The following KCNIP4 variants were observed in gnomAD, a reference collection of about 807,000 sequenced individuals.
KCNIP4 encodes the protein potassium voltage-gated channel interacting protein 4, also known as Kv channel-interacting protein 4.
A neutral mutation model predicts 34.0 loss-of-function variants in KCNIP4; 12 were observed. The ratio of observed to expected loss-of-function variants is 0.35; its 90% CI spans 0.23 to 0.57. The LOEUF is 0.57. Among genes scored for constraint, KCNIP4 ranks in the 20% least tolerant of loss-of-function variants. KCNIP4 has a pLI of 0.83. For missense variants in KCNIP4, 238 were observed against 311.7 expected (o/e 0.76, Z 1.78); for synonymous variants, 124 against 102.2 (o/e 1.21, Z -1.29).
At chr4:21,266,080 TAA>T (rs763030618) in intron 1 of KCNIP4, among the ~76,000 whole-genome samples, 13 of 152,178 alleles carry the variant, frequency 8.5e-5, no homozygotes, top group Non-Finnish European at 1.6e-4. Context: ...AATGGGGGTT[TAA>T]AGAGATTTAG....
chr4:20,928,936 G>C (rs1730165335), intron 1 of KCNIP4, among the ~76,000 whole-genome samples: 1 of 151,878 alleles, frequency 6.6e-6, no homozygotes, highest in Non-Finnish European at 1.5e-5. Flanking sequence ...GGACGAGATG[G>C]CTTCATGAAT....
chr4:21,089,963 A>G (rs771354771), intron 1 of KCNIP4, among the ~76,000 whole-genome samples: 1 of 152,258 alleles, frequency 6.6e-6, no homozygotes, highest in Non-Finnish European at 1.5e-5. Flanking sequence ...AAAATATGCC[A>G]GCTTCTTTCC....
At chr4:21,254,565 T>A (rs2109086759) in intron 1 of KCNIP4, among the ~76,000 whole-genome samples, 1 of 152,332 alleles carries the variant, frequency 6.6e-6, no homozygotes. Context: ...CACTACATTT[T>A]AAAACTTGAA....
intron 1 of KCNIP4, among the ~76,000 whole-genome samples, chr4:21,936,355 A>G (rs896578813): frequency 5.9e-5 from 9 of 152,058 alleles, no homozygotes; most frequent in Admixed American, 2.0e-4. Flanking sequence ...GCTGCCATGT[A>G]AGATGTGGTT....
At chr4:21,399,117 C>G (rs1459791532) in intron 1 of KCNIP4, among the ~76,000 whole-genome samples, 1 of 152,200 alleles carries the variant, frequency 6.6e-6, no homozygotes, top group Non-Finnish European at 1.5e-5. Context: ...GCACCTCAAC[C>G]TAGATTGTAG....
At chr4:21,109,118 G>C (rs1332505579) in intron 1 of KCNIP4, among the ~76,000 whole-genome samples, 1 of 150,920 alleles carries the variant, frequency 6.6e-6, no homozygotes, top group African/African-American at 2.5e-5. Context: ...GAGAACCACT[G>C]CTCTCTTCAA....
intron 1 of KCNIP4, among the ~76,000 whole-genome samples, chr4:21,441,137 CTTTT>C (rs758901417): frequency 7.3e-6 from 1 of 136,972 alleles, no homozygotes; most frequent in Non-Finnish European, 1.6e-5. Flanking sequence ...TGACACCTTT[CTTTT>C]TTTTTTTTTT....
chr4:21,553,301 C>T (rs771720102), intron 1 of KCNIP4, among the ~76,000 whole-genome samples: 4 of 151,956 alleles, frequency 2.6e-5, no homozygotes, highest in South Asian at 2.1e-4. Context: ...ATCTCCGTTC[C>T]GTAAATTGAA....
chr4:20,897,286 C>A (rs943701361), intron 1 of KCNIP4, among the ~76,000 whole-genome samples: 1 of 150,358 alleles, frequency 6.7e-6, no homozygotes, highest in Non-Finnish European at 1.5e-5. Context: ...CCTCTAATTT[C>A]TTTCCTTGCC....
intron 1 of KCNIP4, among the ~76,000 whole-genome samples, chr4:21,796,913 T>C (rs553936213): frequency 1.3e-5 from 2 of 152,350 alleles, no homozygotes; most frequent in South Asian, 4.1e-4. Context: ...TTATCAATAG[T>C]TGATGCCTAG....
chr4:21,731,092 C>A (rs1173071417), intron 1 of KCNIP4, among the ~76,000 whole-genome samples: 1 of 138,864 alleles, frequency 7.2e-6, no homozygotes, highest in Non-Finnish European at 1.5e-5. Context: ...CCAGCCTGGG[C>A]AACTGAAGTA....
intron 1 of KCNIP4, among the ~76,000 whole-genome samples, chr4:21,459,799 G>C (rs111781327): frequency 6.6e-6 from 1 of 151,890 alleles, no homozygotes. Flanking sequence ...AGCCAGTTCT[G>C]TCAGGACTAC....
chr4:21,347,391 G>A (rs1262015028), intron 1 of KCNIP4, among the ~76,000 whole-genome samples: 2 of 152,190 alleles, frequency 1.3e-5, no homozygotes, highest in Non-Finnish European at 1.5e-5. Context: ...ACACTGGTGA[G>A]GTGAGAGCTG....
intron 1 of KCNIP4, among the ~76,000 whole-genome samples, chr4:21,565,758 A>G (rs890703849): frequency 3.3e-5 from 5 of 152,156 alleles, no homozygotes; most frequent in African/African-American, 9.7e-5. Flanking sequence ...AGTAATTTAA[A>G]GCTCTTATTT....
intron 1 of KCNIP4, among the ~76,000 whole-genome samples, chr4:20,975,590 T>A (rs1577469360): frequency 6.6e-6 from 1 of 152,186 alleles, no homozygotes; most frequent in Non-Finnish European, 1.5e-5. Flanking sequence ...ACTTGACAGT[T>A]TGGCAGACAA....
rs11382765 is a variant in KCNIP4, at chr4:20,818,920, CTTTT to C, written c.288+31619_288+31622del. Among the ~76,000 whole-genome samples the C allele has an allele frequency of 7.7e-3, 804 of 104,902 alleles. 4 individuals are homozygous for C. Among genetic ancestry groups the C allele is most frequent in the African/African-American group, 0.029 (770 of 26,206 alleles). 68.8% of individuals were successfully genotyped at this position (104,902 alleles called of 152,430 possible). Reference sequence around the variant, plus strand: ...GCTAGTCATTCTATATATATTATCTCTTTTTTTTTTTTTTTTTTTTTTGAGATGG... The same window carrying C: ...GCTAGTCATTCTATATATATTATCTCTTTTTTTTTTTTTTTTTTGAGATGG... On this transcript the variant is annotated intron_variant, in intron 3 of 8. Coordinates refer to ENST00000382152, the MANE Select transcript of KCNIP4 (RefSeq NM_025221.6).
rs781106227 is a variant in KCNIP4 at position 21,905,635 on chromosome 4, C to G, written c.61+42936G>C. On this transcript the variant is annotated intron_variant, in intron 1 of 8. Transcript: ENST00000382152. Reference sequence around the variant, plus strand: ...AAAAACCAAACACCGGATGTTCTCACTCATAGGCTATCACTTCCTTCGGGC... The same window carrying G: ...AAAAACCAAACACCGGATGTTCTCAGTCATAGGCTATCACTTCCTTCGGGC... Among the ~76,000 whole-genome samples, 7 of 152,148 alleles carry G rather than the reference C, an allele frequency of 4.6e-5. 1 individual carries two copies.
intron 1 of KCNIP4, among the ~76,000 whole-genome samples, chr4:21,524,398 G>A (rs975048321): frequency 1.3e-5 from 2 of 152,134 alleles, no homozygotes; most frequent in African/African-American, 4.8e-5. Flanking sequence ...TCCCAAAAAT[G>A]TTTATGTGAC....
At chr4:21,252,011 T>G (rs1452901635) in intron 1 of KCNIP4, among the ~76,000 whole-genome samples, 1 of 150,672 alleles carries the variant, frequency 6.6e-6, no homozygotes, top group African/African-American at 2.4e-5. Context: ...TAAAGTATAA[T>G]AATAATAATA....
Sources: allele counts gnomAD v4.1 joint callset (sites outside exome capture counted in the v4.1 genomes callset), GRCh38; gene constraint gnomAD v4.1.1; transcripts MANE v1.5; gene names NCBI Gene and HGNC (gene_info 2026-07-23, HGNC 2026-07-21).